CFDP1: variants seen among roughly 807,000 people sequenced by gnomAD.
CFDP1 encodes the protein chromatin remodeling protein CFDP1, also known as heterochromatin-stabilizing protein CFDP1.
In CFDP1, 31 loss-of-function variants were observed where a neutral mutation model predicts 40.1. That is an observed-to-expected ratio of 0.77 (90% CI 0.58 to 1.04). The LOEUF (loss-of-function observed/expected upper bound fraction) is 1.04, where lower values mean the gene tolerates loss of function less well. CFDP1 is among the 50% of genes least tolerant of loss of function. CFDP1 has a pLI of 0.00. For synonymous variants in CFDP1, 167 were observed against 120.0 expected, an observed-to-expected ratio of 1.39 and a Z score of -2.56; for missense variants, 423 against 343.4, an observed-to-expected ratio of 1.23 and a Z score of -1.83.
At chr16:75,376,611 A>T (rs189691071) in intron 5 of CFDP1, among the ~76,000 whole-genome samples, 1 of 152,342 alleles carries the variant, frequency 6.6e-6, no homozygotes, top group African/African-American at 2.4e-5. Context: ...GGAAAGGGGC[A>T]TGAGGGAACT....
chr16:75,297,043 C>G (rs1057026564), intron 6 of CFDP1, among the ~76,000 whole-genome samples: 1 of 152,096 alleles, frequency 6.6e-6, no homozygotes, highest in African/African-American at 2.4e-5. Context: ...ATTACAATAA[C>G]CCTCTGGCAA....
intron 4 of CFDP1, chr16:75,409,514 T>C (rs1597392446): frequency 6.6e-6 from 1 of 152,220 alleles, no homozygotes; most frequent in Non-Finnish European, 1.5e-5. Flanking sequence ...GTAATTCCTT[T>C]TTATTGTGTT....
intron 5 of CFDP1, chr16:75,324,739 T>C (rs2078391035): frequency 1.2e-5 from 1 of 85,376 alleles, no homozygotes; most frequent in Admixed American, 1.4e-4. Flanking sequence ...TGAGACTTTG[T>C]CTTAAAAAAA....
At chr16:75,339,895 A>C (rs1021323484) in intron 5 of CFDP1, among the ~76,000 whole-genome samples, 4 of 152,214 alleles carry the variant, frequency 2.6e-5, no homozygotes, top group Non-Finnish European at 4.4e-5. Context: ...ATTCCTTAAA[A>C]ATCTTTAAAT....
rs146074084 is a variant in CFDP1, at chr16:75,381,770, A to G, written c.650+13320T>C. 4.6e-3 allele frequency among the ~76,000 whole-genome samples: 695 copies of G among 152,300 alleles called. 3 individuals are homozygous for G. The highest frequency in any genetic ancestry group is 0.016 in the African/African-American group (645 of 41,558). ...TCAGAATAAACTGCTTGCAAGCAGC[A>G]AGAGATATGGGTCTGGAGTTCAGGA... On this transcript the variant is annotated intron_variant, in intron 5 of 6. Coordinates refer to ENST00000283882, the MANE Select transcript of CFDP1 (RefSeq NM_006324.3).
intron 5 of CFDP1, among the ~76,000 whole-genome samples, chr16:75,342,092 C>T (rs141304987): frequency 6.6e-6 from 1 of 152,266 alleles, no homozygotes; most frequent in African/African-American, 2.4e-5. Context: ...CAGGCCACAC[C>T]AACAGATGTT....
At chr16:75,394,659 T>G (rs932172390) in intron 5 of CFDP1, 1 of 18,542 alleles carries the variant, frequency 5.4e-5, no homozygotes, top group Non-Finnish European at 1.0e-4. Context: ...TTTTCTTCGC[T>G]TTTTTTTTTT....
chr16:75,339,875 G>A (rs956299094), intron 5 of CFDP1, among the ~76,000 whole-genome samples: 6 of 152,166 alleles, frequency 3.9e-5, no homozygotes, highest in Non-Finnish European at 7.3e-5. Flanking sequence ...TCTTATAGTG[G>A]AAGACAAAGA....
intron 5 of CFDP1, among the ~76,000 whole-genome samples, chr16:75,385,459 C>G (rs1441759802): frequency 6.6e-6 from 1 of 151,548 alleles, no homozygotes; most frequent in African/African-American, 2.4e-5. Context: ...ACAACAACAG[C>G]AACAACAAAG....
chr16:75,363,543 C>T (rs1467923205), intron 5 of CFDP1, among the ~76,000 whole-genome samples: 1 of 151,856 alleles, frequency 6.6e-6, no homozygotes, highest in Non-Finnish European at 1.5e-5. Context: ...TTATAGGTGC[C>T]CGCCATCACA....
At chr16:75,387,692 G>A (rs2078911166) in intron 5 of CFDP1, among the ~76,000 whole-genome samples, 1 of 152,164 alleles carries the variant, frequency 6.6e-6, no homozygotes, top group East Asian at 1.9e-4. Flanking sequence ...CACAATGTAG[G>A]ATTCATACCT....
intron 5 of CFDP1, among the ~76,000 whole-genome samples, chr16:75,331,158 A>C (rs2078443569): frequency 1.3e-5 from 2 of 152,320 alleles, no homozygotes; most frequent in Admixed American, 6.5e-5. Flanking sequence ...AATTCGTGCA[A>C]TGACAGCAGG....
chr16:75,419,267 T>C (rs994236062), intron 1 of CFDP1: 16 of 155,474 alleles, frequency 1.0e-4, no homozygotes, highest in African/African-American at 3.6e-4. Flanking sequence ...CTCATGATAT[T>C]AAAAAGACAG....
chr16:75,305,179 T>C lies in CFDP1; in HGVS notation c.654A>G (p.Leu218=). 1 of 1,613,404 alleles carries C rather than the reference T, an allele frequency of 6.2e-7. No homozygotes were observed. Among genetic ancestry groups the C allele is most frequent in the Non-Finnish European group, 8.5e-7 (1 of 1,179,832 alleles). ...GGCTGCTCATGCCACTTGATCTTTT[T>C]AACCTAAGGAAAGAAAATATGAAAG... is the stretch of plus-strand genomic sequence containing the variant. ...ALPSLPAGSG[L]KRSSGMSSLL... The change falls in exon 6 of 7, where the codon TTA becomes TTG. Residue 218 remains leucine, a synonymous_variant. Coordinates refer to ENST00000283882, the MANE Select transcript of CFDP1 (RefSeq NM_006324.3).
intron 5 of CFDP1, chr16:75,324,723 A>G (rs2078390922): frequency 7.0e-6 from 1 of 142,986 alleles, no homozygotes; most frequent in Admixed American, 7.4e-5. Flanking sequence ...AGCCTGGGCT[A>G]CAGAGTGAGA....
chr16:75,419,956 C>T (rs910350275), intron 1 of CFDP1, among the ~76,000 whole-genome samples: 1 of 151,782 alleles, frequency 6.6e-6, no homozygotes, highest in Non-Finnish European at 1.5e-5. Flanking sequence ...GTATGGATTT[C>T]CCTCGAATTC....
intron 1 of CFDP1, among the ~76,000 whole-genome samples, chr16:75,423,230 G>A (rs1382697429): frequency 3.4e-5 from 5 of 148,802 alleles, no homozygotes; most frequent in African/African-American, 1.0e-4. Flanking sequence ...GCAGTGAACC[G>A]AGATGGTGCC....
intron 1 of CFDP1, among the ~76,000 whole-genome samples, chr16:75,430,161 T>A (rs868284450): frequency 1.4e-4 from 15 of 110,624 alleles, no homozygotes; most frequent in Admixed American, 1.2e-3. Context: ...AGACCAGAGG[T>A]TTTTTTTGTT....
At chr16:75,336,788 GTTAT>G (rs2078490738) in intron 5 of CFDP1, among the ~76,000 whole-genome samples, 1 of 152,192 alleles carries the variant, frequency 6.6e-6, no homozygotes, top group African/African-American at 2.4e-5. Context: ...TGTCAAAAGT[GTTAT>G]TTTAGGATTT....
Sources: allele counts gnomAD v4.1 joint callset (sites outside exome capture counted in the v4.1 genomes callset), GRCh38; gene constraint gnomAD v4.1.1; transcripts MANE v1.5; gene names NCBI Gene and HGNC (gene_info 2026-07-23, HGNC 2026-07-21).